The following ATP5PF variants were observed in gnomAD, a reference collection of about 807,000 sequenced individuals.
ATP5PF encodes the protein ATP synthase peripheral stalk subunit F6, mitochondrial.
ATP5PF carries 7 observed loss-of-function variants against 12.0 expected under a neutral mutation model. That is an observed-to-expected ratio of 0.58 (90% CI 0.33 to 1.10). ATP5PF has a LOEUF of 1.10. Among genes scored for constraint, ATP5PF ranks in the 50% least tolerant of loss-of-function variants. ATP5PF has a pLI of 0.03. For synonymous variants in ATP5PF, 41 were observed against 45.4 expected (o/e 0.90, Z 0.39); for missense variants, 120 against 127.7 (o/e 0.94, Z 0.29).
chr21:25,732,470 G>A (rs2034809370), intron 1 of ATP5PF, among the ~76,000 whole-genome samples: 9 of 151,316 alleles, frequency 5.9e-5, no homozygotes, highest in Admixed American at 5.3e-4. Flanking sequence ...AACACAGTAT[G>A]ACCCCATCTC....
chr21:25,731,111 G>A lies in ATP5PF; in HGVS notation c.-7-1310C>T, dbSNP rs1401269954. ...ACAAAAATAAGTCAGGCGTGCTAGCGCGTGCCTGTAATCCCAGTTATTTGG... is the reference window on the plus strand; with the variant it reads ...ACAAAAATAAGTCAGGCGTGCTAGCACGTGCCTGTAATCCCAGTTATTTGG... On this transcript the variant is annotated intron_variant, in intron 1 of 3. Transcript: ENST00000284971. Among the ~76,000 whole-genome samples, 5 of 151,996 alleles carry A rather than the reference G, an allele frequency of 3.3e-5. No individual in the cohort carries two copies. In the East Asian group the frequency reaches 7.8e-4, roughly 24 times the overall value.
intron 2 of ATP5PF, among the ~76,000 whole-genome samples, chr21:25,727,272 T>TA (rs1473391475): frequency 4.6e-5 from 7 of 152,156 alleles, no homozygotes. Context: ...ACTCTTGTGA[T>TA]AAAAAGAGGC....
At chr21:25,725,998 T>C (rs530900769) in intron 2 of ATP5PF, among the ~76,000 whole-genome samples, 18 of 152,096 alleles carry the variant, frequency 1.2e-4, no homozygotes, top group Non-Finnish European at 2.5e-4. Flanking sequence ...CCTGTTTGAG[T>C]GTAAGTTCAA....
chr21:25,728,723 C>T (rs1466372185), intron 2 of ATP5PF, among the ~76,000 whole-genome samples: 2 of 152,184 alleles, frequency 1.3e-5, no homozygotes, highest in Admixed American at 1.3e-4. Flanking sequence ...CAAACACTGC[C>T]TTCCAAGAAG....
Position 25,729,595 on chromosome 21 carries a change from T to A in ATP5PF, c.164+36A>T, listed in dbSNP as rs771663153. On this transcript the variant is annotated intron_variant, in intron 2 of 3. Transcript: ENST00000284971. Reference sequence around the variant, plus strand: ...CACCTTGAAACTTACATACTTTGAATATTTATATTTACACTGTAGTTATTT... The same window carrying A: ...CACCTTGAAACTTACATACTTTGAAAATTTATATTTACACTGTAGTTATTT... The A allele has an allele frequency of 2.0e-6, 3 of 1,530,310 alleles. No homozygotes were observed. The South Asian group carries it at 3.7e-5, about 19-fold the overall frequency. The allele number at this position is 1,530,310 out of a possible 1,614,324, so 94.8% of individuals were successfully genotyped here. A position where few individuals can be genotyped will look rare whatever the true frequency, so the allele number is the denominator to read the frequency against.
chr21:25,734,875 CA>C lies in ATP5PF; in HGVS notation c.-31del. The C allele has an allele frequency of 6.5e-7, 1 of 1,547,048 alleles. No homozygotes were observed. ...CACCTTGCACTCAGTCCCGAGCTGC[CA>C]AAGCCTCCGCCGCCACCACCTCCGC... On this transcript the variant is annotated 5_prime_UTR_variant, in exon 1 of 4. Transcript: ENST00000284971.
At chr21:25,728,558 C>T (rs962692232) in intron 2 of ATP5PF, among the ~76,000 whole-genome samples, 5 of 152,082 alleles carry the variant, frequency 3.3e-5, no homozygotes, top group Admixed American at 6.6e-5. Context: ...TAGAGTAAAC[C>T]CCTGGGTGTA....
At chr21:25,725,449 T>C (rs1347979715) in intron 2 of ATP5PF, 99 bp from the exon 3 acceptor site, 16 of 1,353,570 alleles carry the variant, frequency 1.2e-5, no homozygotes, top group African/African-American at 3.0e-5. Flanking sequence ...TTTTTTTTTT[T>C]TTCTTTTTTG....
Position 25,729,712 on chromosome 21 carries a change from G to A in ATP5PF, c.83C>T (p.Thr28Ile), listed in dbSNP as rs758417035. ...SVHLRRNIGVTAVAFNKELDP... is the reference protein window; with the variant it reads ...SVHLRRNIGVIAVAFNKELDP... The stretch of plus-strand genomic sequence containing the variant: ...AAGTTCCTTATTAAATGCCACTGCT[G>A]TAACACCAATGTTCCTCCGCAAATG... The change falls in exon 2 of 4, where the codon ACA (threonine) becomes ATA (isoleucine). Residue 28 changes from threonine to isoleucine, a missense_variant. Physicochemically the swap from Thr to Ile is moderately conservative, Grantham distance 89. Transcript: ENST00000284971. The A allele has an allele frequency of 2.5e-6, 4 of 1,613,866 alleles. No individual in the cohort carries two copies. The highest frequency in any genetic ancestry group is 3.4e-6 in the Non-Finnish European group (4 of 1,179,974).
chr21:25,734,445 C>T, intron 1 of ATP5PF: 1 of 908,506 alleles, frequency 1.1e-6, no homozygotes, highest in Non-Finnish European at 1.3e-6. Context: ...TGCAAACTTT[C>T]AATATTATGA....
intron 1 of ATP5PF, among the ~76,000 whole-genome samples, chr21:25,730,455 C>T (rs1207415429): frequency 6.6e-6 from 1 of 152,030 alleles, no homozygotes; most frequent in Non-Finnish European, 1.5e-5. Flanking sequence ...GACTTATGGC[C>T]AGGTGCAGTG....
chr21:25,735,005 C>G (rs2034976456), upstream of ATP5PF: 1 of 1,540,952 alleles, frequency 6.5e-7, no homozygotes, highest in African/African-American at 1.4e-5. Context: ...GGAAGCGTCT[C>G]GGAGACAGTC....
chr21:25,729,388 T>C (rs1472434155), intron 2 of ATP5PF, among the ~76,000 whole-genome samples: 1 of 152,212 alleles, frequency 6.6e-6, no homozygotes, highest in Admixed American at 6.5e-5. Context: ...ACAGTAAGAA[T>C]GTATTTTAAA....
At chr21:25,727,706 T>C in intron 2 of ATP5PF, among the ~76,000 whole-genome samples, 1 of 152,168 alleles carries the variant, frequency 6.6e-6, no homozygotes, top group Non-Finnish European at 1.5e-5. Flanking sequence ...TTAAAGACAG[T>C]TAAAATGATG....
chr21:25,727,210 A>G (rs1260159272), intron 2 of ATP5PF, among the ~76,000 whole-genome samples: 3 of 152,220 alleles, frequency 2.0e-5, no homozygotes, highest in African/African-American at 7.2e-5. Flanking sequence ...CTTCAACTAG[A>G]TACTCTAATA....
chr21:25,733,503 G>A (rs1454933543), intron 1 of ATP5PF, among the ~76,000 whole-genome samples: 2 of 151,984 alleles, frequency 1.3e-5, no homozygotes, highest in African/African-American at 4.8e-5. Context: ...ATCCAGCCTG[G>A]GCGACAGAGC....
At chr21:25,724,779 G>A in intron 3 of ATP5PF, 102 bp from the exon 4 acceptor site, 1 of 1,173,388 alleles carries the variant, frequency 8.5e-7, no homozygotes, top group East Asian at 2.5e-5. Flanking sequence ...GATTTTTTTA[G>A]TAAACACTGT....
upstream of ATP5PF, chr21:25,735,048 C>T (rs538727472): frequency 8.6e-5 from 115 of 1,329,690 alleles, no homozygotes; most frequent in African/African-American, 1.3e-3. Context: ...AGACAGAAGC[C>T]AAACAGGAGG....
Position 25,724,818 on chromosome 21 carries a change from A to G in ATP5PF, c.290-141T>C, listed in dbSNP as rs1325308922. Reference sequence around the variant, plus strand: ...TAAACATTTACATAGAAATATAGCTAAACATTTATGCAACACTTTCTATGA... The same window carrying G: ...TAAACATTTACATAGAAATATAGCTGAACATTTATGCAACACTTTCTATGA... On this transcript the variant is annotated intron_variant, in intron 3 of 3. Coordinates refer to ENST00000284971, the MANE Select transcript of ATP5PF (RefSeq NM_001003703.2). 5 of 836,914 alleles carry G rather than the reference A, an allele frequency of 6.0e-6. No homozygotes were observed. The African/African-American group carries it at 9.0e-5, about 15-fold the overall frequency. The allele number at this position is 836,914 out of a possible 1,614,324, so 51.8% of individuals were successfully genotyped here. A position where few individuals can be genotyped will look rare whatever the true frequency, so the allele number is the denominator to read the frequency against.
Sources: gnomAD v4.1 joint callset for allele counts (sites outside exome capture counted in the v4.1 genomes callset) on GRCh38, gnomAD v4.1.1 for gene constraint, MANE v1.5 for transcripts, NCBI Gene and HGNC (gene_info 2026-07-23, HGNC 2026-07-21) for gene names.